The following CAPZB variants were observed in gnomAD, a reference collection of about 807,000 sequenced individuals.
CAPZB encodes the protein F-actin-capping protein subunit beta.
In CAPZB, 2 loss-of-function variants were observed where a neutral mutation model predicts 38.1. That is an observed-to-expected ratio of 0.05 (90% confidence interval 0.02 to 0.17). CAPZB has a LOEUF of 0.17. CAPZB is among the 10% of genes least tolerant of loss of function. The probability of loss-of-function intolerance (pLI) is 1.00; values close to 1 mark genes in which losing one functional copy is unlikely to be tolerated. For synonymous variants in CAPZB, 107 were observed against 127.4 expected, an observed-to-expected ratio of 0.84 and a Z score of 1.08; for missense variants, 161 against 334.2, an observed-to-expected ratio of 0.48 and a Z score of 4.04.
At chr1:19,367,070 C>T (rs759217870) in intron 4 of CAPZB, among the ~76,000 whole-genome samples, 4 of 152,236 alleles carry the variant, frequency 2.6e-5, no homozygotes, top group Non-Finnish European at 5.9e-5. Flanking sequence ...GCCATCTAGC[C>T]AACTTCAAAA....
intron 1 of CAPZB, among the ~76,000 whole-genome samples, chr1:19,446,112 AG>A (rs1163870540): frequency 7.9e-5 from 12 of 152,168 alleles, no homozygotes. Context: ...CACGGGAGGC[AG>A]GAAGAGCGCC....
At chr1:19,383,805 C>T (rs980627934) in intron 3 of CAPZB, among the ~76,000 whole-genome samples, 2 of 152,112 alleles carry the variant, frequency 1.3e-5, no homozygotes, top group Non-Finnish European at 2.9e-5. Flanking sequence ...TGCTCCTCCC[C>T]GAGTCCTCCT....
intron 6 of CAPZB, among the ~76,000 whole-genome samples, chr1:19,355,256 G>A (rs1444621360): frequency 6.6e-6 from 1 of 152,210 alleles, no homozygotes; most frequent in Non-Finnish European, 1.5e-5. Context: ...CACTTTGGGA[G>A]ACCGAGGTGG....
intron 2 of CAPZB, among the ~76,000 whole-genome samples, chr1:19,404,489 A>T (rs1195588600): frequency 1.3e-5 from 2 of 150,066 alleles, no homozygotes; most frequent in Non-Finnish European, 3.0e-5. Flanking sequence ...GGCTGCAGTG[A>T]GACGAGATCA....
intron 1 of CAPZB, among the ~76,000 whole-genome samples, chr1:19,430,491 C>A (rs557361174): frequency 6.6e-6 from 1 of 152,254 alleles, no homozygotes; most frequent in African/African-American, 2.4e-5. Flanking sequence ...GTGAACCTGG[C>A]GAAATGACAA....
At chr1:19,362,869 G>A (rs555842950) in intron 4 of CAPZB, among the ~76,000 whole-genome samples, 61 of 152,064 alleles carry the variant, frequency 4.0e-4, no homozygotes, top group Non-Finnish European at 5.4e-4. Context: ...AAGTCAACTT[G>A]GACAAGTGTT....
intron 4 of CAPZB, among the ~76,000 whole-genome samples, chr1:19,370,943 T>C (rs943153406): frequency 1.2e-4 from 19 of 152,212 alleles, no homozygotes; most frequent in African/African-American, 4.6e-4. Context: ...GACTTGTTCC[T>C]GTGTTGAAAC....
At chr1:19,444,888 G>A (rs895356807) in intron 1 of CAPZB, among the ~76,000 whole-genome samples, 6 of 151,974 alleles carry the variant, frequency 3.9e-5, no homozygotes, top group East Asian at 1.9e-4. Context: ...GACTACAGGC[G>A]CCTGCCACTA....
At chr1:19,448,990 A>C (rs928572711) in intron 1 of CAPZB, 2 of 1,592,820 alleles carry the variant, frequency 1.3e-6, no homozygotes, top group South Asian at 2.3e-5. Context: ...TGGAAACATG[A>C]CGTGACTAGG....
intron 1 of CAPZB, among the ~76,000 whole-genome samples, chr1:19,444,231 G>A (rs2094488859): frequency 6.6e-6 from 1 of 152,072 alleles, no homozygotes; most frequent in South Asian, 2.1e-4. Context: ...ATAGAAAGAG[G>A]CAGGTGTGTC....
In CAPZB at chr1:19,358,343, G is replaced by T. The variant is rs182072702; in HGVS notation, c.330-780C>A. Among the ~76,000 whole-genome samples, 20 of 152,250 alleles carry T rather than the reference G, an allele frequency of 1.3e-4. 1 individual carries two copies. Among genetic ancestry groups the T allele is most frequent in the Admixed American group, 7.8e-4 (12 of 15,292 alleles). On this transcript the variant is annotated intron_variant, in intron 4 of 8. Transcript: ENST00000264202. ...AGTAGAGATGGGGTTTTGCCATGTT[G>T]GCCAGGCTGGTCTCAAAACCCTGAC...
intron 4 of CAPZB, among the ~76,000 whole-genome samples, chr1:19,364,863 T>C (rs1179573671): frequency 6.6e-6 from 1 of 152,162 alleles, no homozygotes; most frequent in African/African-American, 2.4e-5. Flanking sequence ...CTCTCTTTTT[T>C]TGAGACAGGG....
At chr1:19,439,770 G>T (rs998399083) in intron 1 of CAPZB, among the ~76,000 whole-genome samples, 2 of 152,182 alleles carry the variant, frequency 1.3e-5, no homozygotes, top group Non-Finnish European at 2.9e-5. Context: ...ACTCGCCCTC[G>T]GCTGTCCCCT....
chr1:19,449,869 A>G (rs2094508899), intron 1 of CAPZB, among the ~76,000 whole-genome samples: 1 of 151,830 alleles, frequency 6.6e-6, no homozygotes, highest in Non-Finnish European at 1.5e-5. Flanking sequence ...GGCTGGGCAC[A>G]GTAGCTCACG....
chr1:19,469,181 T>C (rs10799815), intron 1 of CAPZB, among the ~76,000 whole-genome samples: 71,943 of 151,930 alleles, frequency 0.47, 18,153 homozygotes, highest in Non-Finnish European at 0.56. Context: ...CCCTGAAAGG[T>C]AAGACAGAAA....
At chr1:19,437,147 G>A (rs1029459569) in intron 1 of CAPZB, among the ~76,000 whole-genome samples, 1 of 152,214 alleles carries the variant, frequency 6.6e-6, no homozygotes, top group African/African-American at 2.4e-5. Flanking sequence ...CAGATAAAAA[G>A]GTTTCTCATC....
At position 19,429,807 on chromosome 1, in the gene CAPZB, A is replaced by C. The variant is rs537631196; in HGVS notation, c.4-10057T>G. On this transcript the variant is annotated intron_variant, in intron 1 of 8. Coordinates refer to ENST00000264202, the MANE Select transcript of CAPZB (RefSeq NM_004930.5). ...GTGTTATGTCAGTTTCCAAGTCATT[A>C]AGCACCCACAAAGGAGGGCAGGCTT... 1.2e-4 allele frequency among the ~76,000 whole-genome samples: 18 copies of C among 152,244 alleles called. 1 individual carries two copies. Among genetic ancestry groups the C allele is most frequent in the African/African-American group, 3.6e-4 (15 of 41,546 alleles).
intron 1 of CAPZB, among the ~76,000 whole-genome samples, chr1:19,436,032 C>T (rs919323220): frequency 3.3e-5 from 5 of 152,214 alleles, no homozygotes; most frequent in African/African-American, 1.2e-4. Flanking sequence ...AGTCACTAAA[C>T]TCTTCTGAGC....
chr1:19,439,587 T>C (rs574334358), intron 1 of CAPZB, among the ~76,000 whole-genome samples: 15 of 152,326 alleles, frequency 9.8e-5, no homozygotes, highest in Admixed American at 8.5e-4. Flanking sequence ...CACTGCAGCC[T>C]CCAGCACAGA....
Sources: gnomAD v4.1 joint callset for allele counts (sites outside exome capture counted in the v4.1 genomes callset) on GRCh38, gnomAD v4.1.1 for gene constraint, MANE v1.5 for transcripts, NCBI Gene and HGNC (gene_info 2026-07-23, HGNC 2026-07-21) for gene names.